The following NEB variants were observed in gnomAD, a reference collection of about 807,000 sequenced individuals.
NEB encodes nebulin, also known as nemaline myopathy type 2.
In NEB, 512 loss-of-function variants were observed where a neutral mutation model predicts 952.2. The ratio of observed to expected loss-of-function variants is 0.54; its 90% confidence interval spans 0.50 to 0.58. The LOEUF is 0.58. Among genes scored for constraint, NEB ranks in the 20% least tolerant of loss-of-function variants. NEB has a pLI of 0.00. For missense variants in NEB, 8,428 were observed against 9,231.1 expected (o/e 0.91, Z 3.56); for synonymous variants, 2,900 against 3,149.8 (o/e 0.92, Z 2.66).
At chr2:151,654,720 C>G (rs180827597) in intron 51 of NEB, among the ~76,000 whole-genome samples, 1 of 152,142 alleles carries the variant, frequency 6.6e-6, no homozygotes, top group African/African-American at 2.4e-5. Flanking sequence ...GTCATAGGCA[C>G]TTTTATGGTC....
In NEB at chr2:151,709,687, AT is replaced by A; in HGVS notation, c.1003del (p.Met335Ter). On this transcript the variant is annotated frameshift_variant, in exon 12 of 182. Transcript: ENST00000397345. LOFTEE classifies it high-confidence loss of function. The stretch of plus-strand genomic sequence containing the variant: ...AGCTGCCACACCAGCTTTTTTATTC[AT>A]TTTATACTCTGGTGTTTCGGTCTGC... ...FMQTETPEYK[M>X]NKKAGVAASK... 1.2e-6 allele frequency: 2 copies of A among 1,603,106 alleles called. No individual in the cohort carries two copies. Among genetic ancestry groups the A allele is most frequent in the South Asian group, 1.1e-5 (1 of 88,954 alleles).
intron 121 of NEB, 78 bp downstream of exon 121, chr2:151,562,032 C>A: frequency 8.8e-7 from 1 of 1,142,308 alleles, no homozygotes; most frequent in South Asian, 1.3e-5. Context: ...ACTTTCTTTG[C>A]CTGCCCATCA....
Position 151,552,723 on chromosome 2 carries a change from T to TGCACGTAGACTG in NEB, c.19784_19785insCAGTCTACGTGC (p.Thr6595_Asp6596insSerLeuArgAla), listed in dbSNP as rs2095413383. ...CAGCCTGCACGTAGACTGGTGTATC[T>TGCACGTAGACTG]GTGACAAGCTTGTAGTCATTCCTTG... is the stretch of plus-strand genomic sequence containing the variant. On this transcript the variant is annotated inframe_insertion, in exon 128 of 182. Transcript: ENST00000397345. 6.2e-7 allele frequency: 1 copy of TGCACGTAGACTG among 1,613,296 alleles called. No individual in the cohort carries two copies. Among genetic ancestry groups the TGCACGTAGACTG allele is most frequent in the African/African-American group, 1.3e-5 (1 of 74,910 alleles).
intron 66 of NEB, 80 bp from the exon 67 acceptor site, chr2:151,630,899 G>A: frequency 7.6e-7 from 1 of 1,307,368 alleles, no homozygotes; most frequent in Non-Finnish European, 1.0e-6. Context: ...TGTTATTACT[G>A]ACCTAATTAG....
At chr2:151,613,192 G>A (rs899570146) in intron 77 of NEB, among the ~76,000 whole-genome samples, 1 of 152,124 alleles carries the variant, frequency 6.6e-6, no homozygotes, top group Admixed American at 6.5e-5. Flanking sequence ...GGTAATATTT[G>A]AGTCTCCAAA....
At position 151,655,863 on chromosome 2, in the gene NEB, G is replaced by C. The variant is rs1197259644; in HGVS notation, c.6656C>G (p.Ser2219Cys). ...CTGCTTGGCAAGCACCATGTCCATGGAATCAGTCAGCTTCTTAAACTGGAA... is the reference window on the plus strand; with the variant it reads ...CTGCTTGGCAAGCACCATGTCCATGCAATCAGTCAGCTTCTTAAACTGGAA... Reference protein sequence around the residue: ...SNFQFKKLTDSMDMVLAKQNA... With the variant: ...SNFQFKKLTDCMDMVLAKQNA... Residue 2219 changes from serine to cysteine, a missense_variant, in exon 50 of 182, where the codon TCC (serine) becomes TGC (cysteine). Transcript: ENST00000397345. 6.2e-7 allele frequency: 1 copy of C among 1,613,728 alleles called. No homozygotes were observed. Among genetic ancestry groups the C allele is most frequent in the Admixed American group, 1.7e-5 (1 of 59,978 alleles).
intron 143 of NEB, among the ~76,000 whole-genome samples, chr2:151,533,239 G>C (rs2092209969): frequency 1.3e-5 from 2 of 152,228 alleles, no homozygotes; most frequent in Non-Finnish European, 2.9e-5. Context: ...AGTTCTGAAA[G>C]TGTCAGATGA....
intron 63 of NEB, among the ~76,000 whole-genome samples, chr2:151,638,044 A>G (rs1356436440): frequency 6.6e-6 from 1 of 152,186 alleles, no homozygotes; most frequent in Non-Finnish European, 1.5e-5. Flanking sequence ...ATTCACAAAA[A>G]TCTCCACAGG....
chr2:151,716,130 C>CTTT, intron 10 of NEB: 4 of 366,018 alleles, frequency 1.1e-5, no homozygotes, highest in Non-Finnish European at 2.2e-5. Flanking sequence ...CACTTTCTTT[C>CTTT]TTTTTTTTTT....
At chr2:151,702,417 T>TCC (rs199883706) in intron 13 of NEB, among the ~76,000 whole-genome samples, 2,081 of 152,322 alleles carry the variant, frequency 0.014, 23 homozygotes, top group Middle Eastern at 0.031. Context: ...TTCCTTGATA[T>TCC]CCCTGTTGAC....
chr2:151,550,001 C>G (rs2095174349), intron 129 of NEB, among the ~76,000 whole-genome samples: 1 of 152,068 alleles, frequency 6.6e-6, no homozygotes, highest in East Asian at 1.9e-4. Flanking sequence ...GGTGTGGTAG[C>G]TGACATCTGT....
rs1415946526 is a variant in NEB, at chr2:151,492,253, T to C, written c.24902A>G (p.His8301Arg). 6.2e-7 allele frequency: 1 copy of C among 1,613,406 alleles called. No individual in the cohort carries two copies. Among genetic ancestry groups the C allele is most frequent in the East Asian group, 2.2e-5 (1 of 44,888 alleles). Residue 8301 changes from histidine (H) to arginine (R), a missense_variant, in exon 178 of 182, where the codon CAC (histidine) becomes CGC (arginine). His to Arg is a conservative substitution (Grantham distance 29, BLOSUM62 0). This residue lies in a region of NEB where 3,374 missense variants were observed against 3,651.5 expected (regional missense o/e 0.92). Transcript: ENST00000397345. ...CACCACTGGTGTGAAGCAACCCTTG[T>C]GTTTCTCAAAGTCTTCATGATATTT... is the stretch of plus-strand genomic sequence containing the variant. ...TVKYHEDFEK[H>R]KGCFTPVVTD...
intron 169 of NEB, 112 bp from the exon 170 acceptor site, chr2:151,498,464 G>T: frequency 2.9e-6 from 2 of 696,614 alleles, no homozygotes; most frequent in Non-Finnish European, 2.4e-6. Context: ...TAGAGGAAGA[G>T]AAATACCAGA....
At position 151,655,949 on chromosome 2, in the gene NEB, C is replaced by T. The variant is rs2099082018; in HGVS notation, c.6570G>A (p.Glu2190=). ...CATATTCAGTTGCTTTCTTGGCCTT[C>T]TCCACTTCCAGAGAACCTGCTGGAC... ...GWSPAGSLEV[E]KAKKATEYAS... The change falls in exon 50 of 182, where the codon GAG becomes GAA. Residue 2190 remains glutamate (E), a synonymous_variant. Transcript: ENST00000397345. The T allele has an allele frequency of 1.2e-6, 2 of 1,613,664 alleles. No individual in the cohort carries two copies. Among genetic ancestry groups the T allele is most frequent in the South Asian group, 1.1e-5 (1 of 91,088 alleles).
intron 34 of NEB, among the ~76,000 whole-genome samples, chr2:151,677,007 G>A (rs1309936556): frequency 6.6e-6 from 1 of 152,146 alleles, no homozygotes; most frequent in Non-Finnish European, 1.5e-5. Context: ...TTTGACTTTA[G>A]CCAGAGCATA....
Position 151,609,981 on chromosome 2 carries a change from T to G in NEB, c.12158A>C (p.Lys4053Thr), listed in dbSNP as rs1362955515. ...TGGGCTAGAGAACTTGGTTTTCCACTTTTGGAATTCCTTCTTGTACTCCCT... is the reference window on the plus strand; with the variant it reads ...TGGGCTAGAGAACTTGGTTTTCCACGTTTGGAATTCCTTCTTGTACTCCCT... ...SEREYKKEFQ[K>T]WKTKFSSPVD... Residue 4053 changes from lysine to threonine, a missense_variant, in exon 81 of 182, where the codon AAG becomes ACG. Physicochemically the swap from Lys to Thr is moderately conservative, Grantham distance 78 (BLOSUM62 -1). Transcript: ENST00000397345. 4.3e-6 allele frequency: 7 copies of G among 1,613,988 alleles called. No homozygotes were observed. Among genetic ancestry groups the G allele is most frequent in the Non-Finnish European group, 4.2e-6 (5 of 1,179,882 alleles).
intron 3 of NEB, among the ~76,000 whole-genome samples, chr2:151,730,174 C>T (rs1433586031): frequency 6.6e-6 from 1 of 152,080 alleles, no homozygotes; most frequent in Admixed American, 6.5e-5. Context: ...ATTCCTATAC[C>T]CTCCTGATTA....
chr2:151,672,612 A>T lies in NEB; in HGVS notation c.4056T>A (p.Asp1352Glu). Reference protein sequence around the residue: ...KHVGFRSLQDDPKLVHYMNVA... With the variant: ...KHVGFRSLQDEPKLVHYMNVA... ...CATTCATATAGTGGACCAGCTTGGG[A>T]TCATCCTGGAGGCTTCTGAAACCCA... Residue 1352 changes from aspartate (D) to glutamate (E), a missense_variant, in exon 37 of 182, where the codon GAT becomes GAA. By Grantham distance (45) the Asp-to-Glu change is conservative (BLOSUM62 2). This residue lies in a region of NEB where 2,851 missense variants were observed against 2,791.5 expected (regional missense o/e 1.02). Coordinates refer to ENST00000397345, the MANE Select transcript of NEB (RefSeq NM_001164508.2). The T allele has an allele frequency of 6.2e-7, 1 of 1,613,988 alleles. No individual in the cohort carries two copies. Among genetic ancestry groups the T allele is most frequent in the Non-Finnish European group, 8.5e-7 (1 of 1,179,878 alleles).
intron 130 of NEB, among the ~76,000 whole-genome samples, chr2:151,549,321 G>A (rs143962561): frequency 6.6e-6 from 1 of 152,310 alleles, no homozygotes; most frequent in African/African-American, 2.4e-5. Flanking sequence ...TAAATGGCTT[G>A]GGATAATTCA....
Sources: gnomAD v4.1 joint callset for allele counts (sites outside exome capture counted in the v4.1 genomes callset) on GRCh38, gnomAD v4.1.1 for gene constraint, gnomAD v4.1.1 regional missense constraint, MANE v1.5 for transcripts, NCBI Gene and HGNC (gene_info 2026-07-23, HGNC 2026-07-21) for gene names.